The following ARFIP1 variants were observed in gnomAD, a reference collection of about 807,000 sequenced individuals.
ARFIP1 encodes arfaptin-1.
A neutral mutation model predicts 42.5 loss-of-function variants in ARFIP1; 24 were observed. The ratio of observed to expected loss-of-function variants is 0.57; its 90% CI spans 0.41 to 0.80. ARFIP1 has a LOEUF of 0.80. Ranked by LOEUF, ARFIP1 falls within the 30% of genes least tolerant of loss-of-function variation. The probability of loss-of-function intolerance (pLI) is 0.00; values close to 1 mark genes in which losing one functional copy is unlikely to be tolerated. For synonymous variants in ARFIP1, 141 were observed against 153.7 expected (o/e 0.92, Z 0.61); for missense variants, 354 against 434.0 (o/e 0.82, Z 1.64).
intron 2 of ARFIP1, among the ~76,000 whole-genome samples, chr4:152,830,338 C>G (rs529221487): frequency 3.7e-4 from 57 of 152,098 alleles, no homozygotes; most frequent in African/African-American, 1.3e-3. Context: ...TTTCTAATCT[C>G]TACAATGAAT....
In ARFIP1 at chr4:152,898,329, A is replaced by G. The variant is rs145008209; in HGVS notation, c.966+10022A>G. On this transcript the variant is annotated intron_variant, in intron 8 of 8. Coordinates refer to ENST00000353617, the MANE Select transcript of ARFIP1 (RefSeq NM_001025595.3). ...CTTGAAATTCTCTCAGTAATGACTC[A>G]GCGTTTTCATGTTGACCATAATTTC... Among the ~76,000 whole-genome samples the G allele has an allele frequency of 3.1e-3, 471 of 152,236 alleles. 4 individuals are homozygous for G. Among genetic ancestry groups the G allele is most frequent in the African/African-American group, 0.011 (444 of 41,536 alleles).
At chr4:152,799,937 T>C (rs1177844222) in intron 1 of ARFIP1, among the ~76,000 whole-genome samples, 1 of 152,222 alleles carries the variant, frequency 6.6e-6, no homozygotes, top group African/African-American at 2.4e-5. Context: ...TGGATGACGG[T>C]GATCTGAAGG....
At chr4:152,822,917 A>G (rs1209252889) in intron 1 of ARFIP1, among the ~76,000 whole-genome samples, 1 of 151,574 alleles carries the variant, frequency 6.6e-6, no homozygotes, top group African/African-American at 2.4e-5. Flanking sequence ...AAGCAGTGCT[A>G]ACAAATGTGC....
chr4:152,806,235 C>T (rs1224074162), intron 1 of ARFIP1, among the ~76,000 whole-genome samples: 1 of 152,206 alleles, frequency 6.6e-6, no homozygotes, highest in Non-Finnish European at 1.5e-5. Context: ...GTAAATGACA[C>T]TTAGAACTAT....
chr4:152,819,882 C>T (rs1239908316), intron 1 of ARFIP1, among the ~76,000 whole-genome samples: 4 of 152,120 alleles, frequency 2.6e-5, no homozygotes, highest in Non-Finnish European at 5.9e-5. Context: ...GAGCTCATTG[C>T]GGGTGCCTCT....
intron 5 of ARFIP1, among the ~76,000 whole-genome samples, chr4:152,876,625 A>T (rs554517089): frequency 6.6e-6 from 1 of 152,250 alleles, no homozygotes; most frequent in Admixed American, 6.5e-5. Context: ...AGAAATTTGC[A>T]TAAGTAGCAA....
intron 1 of ARFIP1, among the ~76,000 whole-genome samples, chr4:152,802,344 C>G (rs980353920): frequency 6.6e-6 from 1 of 152,066 alleles, no homozygotes; most frequent in African/African-American, 2.4e-5. Context: ...CTTTCACTTT[C>G]TTTACTTTCT....
chr4:152,895,387 G>C (rs1205596312), intron 8 of ARFIP1, among the ~76,000 whole-genome samples: 1 of 151,756 alleles, frequency 6.6e-6, no homozygotes, highest in Non-Finnish European at 1.5e-5. Flanking sequence ...CTTTTTATTT[G>C]TATTTATTTA....
intron 2 of ARFIP1, among the ~76,000 whole-genome samples, chr4:152,841,202 A>G (rs1349443910): frequency 6.6e-6 from 1 of 151,120 alleles, no homozygotes; most frequent in Non-Finnish European, 1.5e-5. Flanking sequence ...TGCCCAGCTA[A>G]TTTTTGTATT....
At chr4:152,842,125 C>G (rs1732139747) in intron 2 of ARFIP1, among the ~76,000 whole-genome samples, 1 of 152,044 alleles carries the variant, frequency 6.6e-6, no homozygotes, top group Non-Finnish European at 1.5e-5. Context: ...CCCAACCAAT[C>G]AGATAGTAAA....
intron 8 of ARFIP1, among the ~76,000 whole-genome samples, chr4:152,889,498 C>CAT (rs71595203): frequency 0.09 from 3,828 of 42,318 alleles, 248 homozygotes; most frequent in Non-Finnish European, 0.14. Flanking sequence ...TCATTTTAGT[C>CAT]ATATATATAT....
At chr4:152,811,090 CTTTTT>C (rs5863021) in intron 1 of ARFIP1, among the ~76,000 whole-genome samples, 3 of 74,430 alleles carry the variant, frequency 4.0e-5, no homozygotes, top group African/African-American at 1.0e-4. Flanking sequence ...AAGGTTAAGC[CTTTTT>C]TTTTTTTTTT....
chr4:152,825,087 C>T (rs937052254), intron 1 of ARFIP1, among the ~76,000 whole-genome samples: 5 of 151,722 alleles, frequency 3.3e-5, no homozygotes, highest in Admixed American at 6.6e-5. Flanking sequence ...ATGACACAAA[C>T]GAATGAAAAT....
intron 8 of ARFIP1, among the ~76,000 whole-genome samples, chr4:152,904,480 G>A (rs922173199): frequency 4.5e-4 from 68 of 151,990 alleles, no homozygotes; most frequent in Admixed American, 3.5e-3. Context: ...GTGAGGCACC[G>A]CACCTGGCCC....
chr4:152,801,678 G>T (rs71620227), intron 1 of ARFIP1, among the ~76,000 whole-genome samples: 1,600 of 152,296 alleles, frequency 0.011, 18 homozygotes, highest in Non-Finnish European at 0.016. Context: ...AATCTGTCTT[G>T]ATTGTGGTCT....
chr4:152,910,334 G>T lies in ARFIP1; in HGVS notation c.*115G>T. 1 of 1,205,658 alleles carries T rather than the reference G, an allele frequency of 8.3e-7. No individual in the cohort carries two copies. The highest frequency in any genetic ancestry group is 1.1e-6 in the Non-Finnish European group (1 of 882,722). The allele number at this position is 1,205,658 out of a possible 1,614,324, so 74.7% of individuals were successfully genotyped here. A position where few individuals can be genotyped will look rare whatever the true frequency, so the allele number is the denominator to read the frequency against. ...GGTGACAAGCATTATAGTGATTCTT[G>T]CACAAACAGCTTTAATTTTTCCCTT... On this transcript the variant is annotated 3_prime_UTR_variant, in exon 9 of 9. Coordinates refer to ENST00000353617, the MANE Select transcript of ARFIP1 (RefSeq NM_001025595.3).
chr4:152,821,122 A>G (rs920272672), intron 1 of ARFIP1, among the ~76,000 whole-genome samples: 1 of 152,234 alleles, frequency 6.6e-6, no homozygotes, highest in Non-Finnish European at 1.5e-5. Context: ...CCACTTCTCC[A>G]GCAGTGGATC....
intron 1 of ARFIP1, among the ~76,000 whole-genome samples, chr4:152,814,097 C>CTTTTTTTTTTTTTTT (rs67593845): frequency 9.0e-6 from 1 of 110,882 alleles, no homozygotes; most frequent in Non-Finnish European, 1.9e-5. Flanking sequence ...TCTTCTTCTT[C>CTTTTTTTTTTTTTTT]TTTTTTTTTT....
At chr4:152,833,785 C>A (rs1029323596) in intron 2 of ARFIP1, among the ~76,000 whole-genome samples, 1 of 152,092 alleles carries the variant, frequency 6.6e-6, no homozygotes, top group African/African-American at 2.4e-5. Context: ...CACAGGAAGA[C>A]AAATACGGCA....
Sources: allele counts gnomAD v4.1 joint callset (sites outside exome capture counted in the v4.1 genomes callset), GRCh38; gene constraint gnomAD v4.1.1; transcripts MANE v1.5; gene names NCBI Gene and HGNC (gene_info 2026-07-23, HGNC 2026-07-21).